Variants in C12orf54 observed in about 807,000 individuals in gnomAD.
C12orf54 encodes chromosome 12 open reading frame 54.
Under a neutral mutation model 26.4 loss-of-function variants are expected in C12orf54, and 24 were observed. The ratio of observed to expected loss-of-function variants is 0.91; its 90% confidence interval spans 0.66 to 1.28. C12orf54 has a LOEUF of 1.28. Ranked by LOEUF, C12orf54 falls within the 50% of genes most tolerant of loss-of-function variation. The pLI is 0.00. For missense variants in C12orf54, 154 were observed against 150.9 expected (o/e 1.02, Z -0.11); for synonymous variants, 54 against 47.0 (o/e 1.15, Z -0.61).
the C12orf54 span, among the ~76,000 whole-genome samples, chr12:48,433,621 G>A: frequency 6.6e-6 from 1 of 152,034 alleles, no homozygotes; most frequent in Non-Finnish European, 1.5e-5. Context: ...CTAATTTTTT[G>A]TATTTTTAGT....
chr12:48,439,620 C>T, the C12orf54 span, among the ~76,000 whole-genome samples: 8 of 152,200 alleles, frequency 5.3e-5, no homozygotes, highest in East Asian at 1.4e-3. Context: ...AGCTGGAAAC[C>T]ATCATTCTCA....
At chr12:48,487,916 G>A (rs1475422661) in intron 4 of C12orf54, 2 of 607,840 alleles carry the variant, frequency 3.3e-6, no homozygotes, top group Non-Finnish European at 5.9e-6. Context: ...GAAACTGCCA[G>A]CCCTGGCCCT....
intron 2 of C12orf54, 59 bp downstream of exon 2, chr12:48,483,420 GA>G (rs1954222042): frequency 1.3e-6 from 2 of 1,523,488 alleles, no homozygotes; most frequent in Non-Finnish European, 9.1e-7. Context: ...TATGGGAGAA[GA>G]ACCAGGGCCT....
the C12orf54 span, among the ~76,000 whole-genome samples, chr12:48,429,389 C>T: frequency 1.3e-5 from 2 of 151,994 alleles, no homozygotes; most frequent in East Asian, 3.9e-4. Flanking sequence ...TCACAGTTTG[C>T]TGACGATATG....
At chr12:48,472,709 G>A in the C12orf54 span, 42 of 1,614,020 alleles carry the variant, frequency 2.6e-5, no homozygotes, top group African/African-American at 6.7e-5. Context: ...GGAACAGGAC[G>A]CCCTCCGATG....
chr12:48,425,203 A>C, the C12orf54 span, among the ~76,000 whole-genome samples: 1 of 152,072 alleles, frequency 6.6e-6, no homozygotes, highest in Non-Finnish European at 1.5e-5. Flanking sequence ...AGTACCCAAT[A>C]GTTATTTTTT....
the C12orf54 span, chr12:48,473,034 G>A: frequency 6.8e-6 from 11 of 1,614,108 alleles, no homozygotes; most frequent in Admixed American, 3.3e-5. Flanking sequence ...TTTCACTTGC[G>A]AGGTAACCAA....
chr12:48,431,362 A>G, the C12orf54 span, among the ~76,000 whole-genome samples: 1 of 152,228 alleles, frequency 6.6e-6, no homozygotes, highest in Admixed American at 6.5e-5. Context: ...TTATCTGGGT[A>G]TTCACTATAA....
chr12:48,425,330 A>G, the C12orf54 span, among the ~76,000 whole-genome samples: 5 of 152,070 alleles, frequency 3.3e-5, no homozygotes, highest in Admixed American at 2.0e-4. Flanking sequence ...GAAAACATGC[A>G]GTATTTGGTT....
chr12:48,473,021 C>T, the C12orf54 span: 15 of 1,614,020 alleles, frequency 9.3e-6, no homozygotes, highest in East Asian at 6.7e-5. Flanking sequence ...AGAGCTTAGA[C>T]CTTTTCACTT....
At position 48,494,904 on chromosome 12, in the gene C12orf54, C is replaced by T; in HGVS notation, c.349C>T (p.Leu117Phe). ...CCGTATCCACAACCTGAAGACACAGCTCTTCAGTCAATCAGCTTACTACCC... is the reference window on the plus strand; with the variant it reads ...CCGTATCCACAACCTGAAGACACAGTTCTTCAGTCAATCAGCTTACTACCC... ...GGRIHNLKTQLFSQSAYYPGP is the reference protein window; with the variant it reads ...GGRIHNLKTQFFSQSAYYPGP Residue 117 changes from leucine to phenylalanine, a missense_variant, in exon 8 of 9, where the codon CTC becomes TTC. Transcript: ENST00000548364. 1 of 1,613,050 alleles carries T rather than the reference C, an allele frequency of 6.2e-7. No individual in the cohort carries two copies.
At chr12:48,469,189 G>A in the C12orf54 span, among the ~76,000 whole-genome samples, 26 of 152,232 alleles carry the variant, frequency 1.7e-4, no homozygotes, top group African/African-American at 5.5e-4. Flanking sequence ...ACTAGAATTC[G>A]CCAGGCTGGA....
chr12:48,448,781 A>G, the C12orf54 span, among the ~76,000 whole-genome samples: 1 of 152,358 alleles, frequency 6.6e-6, no homozygotes, highest in Admixed American at 6.5e-5. Flanking sequence ...CTAACTCTGT[A>G]AAATATTTGA....
the C12orf54 span, among the ~76,000 whole-genome samples, chr12:48,475,846 C>A: frequency 1.7e-4 from 26 of 152,276 alleles, no homozygotes; most frequent in African/African-American, 5.3e-4. Context: ...AGGAGAACTT[C>A]CCCAATCTAA....
At chr12:48,482,611 C>G (rs1954209636) in intron 1 of C12orf54, 35 bp downstream of exon 1, 1 of 152,184 alleles carries the variant, frequency 6.6e-6, no homozygotes, top group African/African-American at 2.4e-5. Context: ...TCGTTCTTGA[C>G]TGGGGCTTGG....
At chr12:48,492,861 C>T in intron 6 of C12orf54, 86 bp from the exon 7 acceptor site, 1 of 1,247,298 alleles carries the variant, frequency 8.0e-7, no homozygotes. Flanking sequence ...TTTGACTATA[C>T]TTCAAATCAA....
the C12orf54 span, among the ~76,000 whole-genome samples, chr12:48,464,243 A>G: frequency 3.9e-5 from 6 of 152,150 alleles, no homozygotes; most frequent in South Asian, 2.1e-4. Flanking sequence ...TACAAAATCA[A>G]TGTGCAAAAA....
chr12:48,487,211 A>G (rs894795434), intron 4 of C12orf54, among the ~76,000 whole-genome samples: 1 of 152,246 alleles, frequency 6.6e-6, no homozygotes, highest in South Asian at 2.1e-4. Flanking sequence ...AGGTCTTCAC[A>G]TAAATACCAG....
At chr12:48,482,386 T>C (rs1294501763), upstream of C12orf54, 1 of 152,172 alleles carries the variant, frequency 6.6e-6, no homozygotes, top group Non-Finnish European at 1.5e-5. Flanking sequence ...TCGTTTGGAT[T>C]GAATGGAGCC....
Sources: allele counts gnomAD v4.1 joint callset (sites outside exome capture counted in the v4.1 genomes callset), GRCh38; gene constraint gnomAD v4.1.1; transcripts MANE v1.5; gene names NCBI Gene and HGNC (gene_info 2026-07-23, HGNC 2026-07-21).